Variants in ABI3BP observed in about 807,000 individuals in gnomAD.
The protein encoded by ABI3BP is target of Nesh-SH3.
ABI3BP carries 216 observed loss-of-function variants against 268.6 expected under a neutral mutation model. That is an observed-to-expected ratio of 0.80 (90% confidence interval 0.72 to 0.90). ABI3BP has a LOEUF of 0.90. Among genes scored for constraint, ABI3BP ranks in the 40% least tolerant of loss-of-function variants. The pLI is 0.00. For synonymous variants in ABI3BP, 730 were observed against 730.0 expected (o/e 1.00, Z 0.00); for missense variants, 2,090 against 2,182.4 (o/e 0.96, Z 0.84).
At chr3:100,854,431 A>T (rs2098915671) in intron 14 of ABI3BP, among the ~76,000 whole-genome samples, 1 of 152,184 alleles carries the variant, frequency 6.6e-6, no homozygotes, top group South Asian at 2.1e-4. Flanking sequence ...GCTCCCTAAC[A>T]ATCAACAGCT....
intron 1 of ABI3BP, among the ~76,000 whole-genome samples, chr3:100,947,416 T>A (rs533346124): frequency 1.3e-5 from 2 of 152,266 alleles, no homozygotes; most frequent in East Asian, 3.9e-4. Context: ...TGAAAAAAAA[T>A]CTTCCTGACT....
intron 49 of ABI3BP, among the ~76,000 whole-genome samples, chr3:100,809,791 A>G (rs1356414173): frequency 1.3e-5 from 2 of 152,268 alleles, no homozygotes; most frequent in Non-Finnish European, 2.9e-5. Context: ...AACAAGAAGC[A>G]TATTTAGTTA....
chr3:100,808,230 T>C lies in ABI3BP; in HGVS notation c.3613A>G (p.Lys1205Glu), dbSNP rs1257271045. 6.2e-7 allele frequency: 1 copy of C among 1,608,922 alleles called. No homozygotes were observed. Among genetic ancestry groups the C allele is most frequent in the Admixed American group, 1.7e-5 (1 of 59,322 alleles). Residue 1205 changes from lysine to glutamate, a missense_variant, in exon 50 of 68, where the codon AAG (lysine) becomes GAG (glutamate). Lys to Glu is a moderately conservative substitution (Grantham distance 56, BLOSUM62 1). Coordinates refer to ENST00000471714, the MANE Select transcript of ABI3BP (RefSeq NM_001375547.2). ...PDEPQTEPAP[K>E]QTPRAPPKPK... ...TTAGGAGGAGCACGTGGTGTCTGCT[T>C]GGGAGCTAAAAGAAAGGATATAGGT... is the stretch of plus-strand genomic sequence containing the variant.
chr3:100,922,368 A>G (rs1348836049), intron 2 of ABI3BP, among the ~76,000 whole-genome samples: 1 of 152,182 alleles, frequency 6.6e-6, no homozygotes, highest in Non-Finnish European at 1.5e-5. Flanking sequence ...TGCGTGACAA[A>G]GGAGAATTGA....
rs1300424069 is a variant in ABI3BP, at chr3:100,864,047, G to A, written c.1093C>T (p.Gln365Ter). Residue 365 changes from glutamine to a stop codon, truncating the protein, a stop_gained, in exon 12 of 68, where the codon CAA becomes TAA. Transcript: ENST00000471714. LOFTEE classifies it high-confidence loss of function. ...VLSKRTPETL[Q>*]TILIPQFELP... ...TCAAACTGAGGTATTAGAATAGTTTGCAATGTTTCCGGGGTCCTTTTGCTG... is the reference window on the plus strand; with the variant it reads ...TCAAACTGAGGTATTAGAATAGTTTACAATGTTTCCGGGGTCCTTTTGCTG... 11 of 1,536,160 alleles carry A rather than the reference G, an allele frequency of 7.2e-6. No individual in the cohort carries two copies. In the South Asian group the frequency reaches 1.3e-4, roughly 18 times the overall value.
intron 62 of ABI3BP, 70 bp from the exon 63 acceptor site, chr3:100,766,019 A>C: frequency 8.2e-7 from 1 of 1,222,804 alleles, no homozygotes; most frequent in Non-Finnish European, 1.2e-6. Context: ...CCTGAAGCTA[A>C]TAGCATAAAA....
intron 31 of ABI3BP, among the ~76,000 whole-genome samples, chr3:100,831,359 T>C (rs751746996): frequency 1.3e-5 from 2 of 151,888 alleles, no homozygotes; most frequent in African/African-American, 2.4e-5. Context: ...CACTGGGAGG[T>C]TGCCCTAGAG....
intron 1 of ABI3BP, among the ~76,000 whole-genome samples, chr3:100,962,979 C>T (rs1209880469): frequency 6.6e-6 from 1 of 152,142 alleles, no homozygotes; most frequent in Non-Finnish European, 1.5e-5. Flanking sequence ...AAGTCTAACA[C>T]TGAAGCCATA....
chr3:100,841,203 T>TG (rs2098692750), intron 21 of ABI3BP, among the ~76,000 whole-genome samples: 1 of 107,136 alleles, frequency 9.3e-6, no homozygotes. Context: ...ACTTTTTTTT[T>TG]TTTTTTTTTT....
intron 55 of ABI3BP, among the ~76,000 whole-genome samples, chr3:100,790,051 T>G (rs1258050217): frequency 6.6e-6 from 1 of 152,050 alleles, no homozygotes; most frequent in Non-Finnish European, 1.5e-5. Flanking sequence ...TCACTCAGTG[T>G]CATCCATAAT....
intron 50 of ABI3BP, among the ~76,000 whole-genome samples, chr3:100,806,553 T>C (rs1359386844): frequency 6.6e-6 from 1 of 152,098 alleles, no homozygotes; most frequent in African/African-American, 2.4e-5. Flanking sequence ...CTACCCACTT[T>C]TAAAAAGAAT....
chr3:100,830,502 C>CT, intron 32 of ABI3BP, 76 bp downstream of exon 32: 1 of 1,243,358 alleles, frequency 8.0e-7, no homozygotes, highest in Non-Finnish European at 1.1e-6. Flanking sequence ...GCGGGAGAAG[C>CT]TGTGGTTATG....
chr3:100,901,770 A>G (rs77001115), intron 3 of ABI3BP, among the ~76,000 whole-genome samples: 1 of 137,654 alleles, frequency 7.3e-6, no homozygotes, highest in East Asian at 2.0e-4. Context: ...CGTCTCAAAG[A>G]AAAAAAAAAA....
chr3:100,840,253 A>T (rs912435115), intron 22 of ABI3BP, 89 bp from the exon 23 acceptor site: 1 of 1,026,472 alleles, frequency 9.7e-7, no homozygotes, highest in Non-Finnish European at 1.4e-6. Flanking sequence ...AGGACATTTA[A>T]ACCCTTTGAT....
At chr3:100,768,778 G>A (rs954746892) in intron 62 of ABI3BP, among the ~76,000 whole-genome samples, 5 of 152,178 alleles carry the variant, frequency 3.3e-5, no homozygotes, top group Non-Finnish European at 7.3e-5. Context: ...CTAAAATAAA[G>A]CTGGTCTGGG....
chr3:100,816,351 T>C (rs2152554068), intron 43 of ABI3BP: 2 of 452,076 alleles, frequency 4.4e-6, no homozygotes, highest in South Asian at 5.7e-5. Context: ...AATGCCTGTT[T>C]ATGTAATCAT....
intron 2 of ABI3BP, chr3:100,911,948 A>G: frequency 1.5e-5 from 15 of 998,714 alleles, no homozygotes; most frequent in Non-Finnish European, 2.4e-5. Flanking sequence ...GTGCTTGCTC[A>G]TTTACTTCAC....
intron 63 of ABI3BP, among the ~76,000 whole-genome samples, chr3:100,756,891 G>C (rs2149391294): frequency 6.6e-6 from 1 of 150,682 alleles, no homozygotes; most frequent in South Asian, 2.1e-4. Flanking sequence ...GTTTTGGCCT[G>C]ATTAAACCCT....
At chr3:100,985,396 G>A (rs910430314) in intron 1 of ABI3BP, among the ~76,000 whole-genome samples, 5 of 151,902 alleles carry the variant, frequency 3.3e-5, no homozygotes, top group Admixed American at 1.3e-4. Context: ...TGATCCGCCC[G>A]CCTTGGCCTC....
Sources: gnomAD v4.1 joint callset for allele counts (sites outside exome capture counted in the v4.1 genomes callset) on GRCh38, gnomAD v4.1.1 for gene constraint, MANE v1.5 for transcripts, NCBI Gene and HGNC (gene_info 2026-07-23, HGNC 2026-07-21) for gene names.